The following LIPI variants were observed in gnomAD, a reference collection of about 807,000 sequenced individuals.
LIPI encodes the protein lipase member I.
LIPI carries 59 observed loss-of-function variants against 50.6 expected under a neutral mutation model. The ratio of observed to expected loss-of-function variants is 1.16; its 90% CI spans 0.94 to 1.45. LIPI has a LOEUF of 1.45. Among genes scored for constraint, LIPI ranks in the 40% most tolerant of loss-of-function variants. The probability of loss-of-function intolerance (pLI) is 0.00; values close to 1 mark genes in which losing one functional copy is unlikely to be tolerated. For missense variants in LIPI, 586 were observed against 536.3 expected (o/e 1.09, Z -0.92); for synonymous variants, 203 against 178.2 (o/e 1.14, Z -1.11).
intron 4 of LIPI, among the ~76,000 whole-genome samples, chr21:14,166,671 G>A (rs1339543343): frequency 6.6e-6 from 1 of 152,114 alleles, no homozygotes. Flanking sequence ...TTTACTATCG[G>A]TCAGTCACAG....
intron 2 of LIPI, among the ~76,000 whole-genome samples, chr21:14,188,734 T>C (rs1289311290): frequency 1.3e-5 from 2 of 152,092 alleles, no homozygotes; most frequent in Admixed American, 1.3e-4. Context: ...CTGAGGTTGG[T>C]ATAGGTAGAG....
chr21:14,210,706 C>T, intron 1 of LIPI, 94 bp downstream of exon 1: 1 of 381,094 alleles, frequency 2.6e-6, no homozygotes, highest in African/African-American at 2.2e-5. Flanking sequence ...ATTTTTATCC[C>T]ATTATATCAT....
intron 7 of LIPI, among the ~76,000 whole-genome samples, chr21:14,161,773 T>TAATGTA (rs2018495052): frequency 1.7e-5 from 1 of 58,392 alleles, no homozygotes; most frequent in African/African-American, 8.5e-5. Context: ...TTATTATATA[T>TAATGTA]TAATATATAA....
At chr21:14,157,311 C>A (rs549687526) in intron 7 of LIPI, among the ~76,000 whole-genome samples, 1 of 151,918 alleles carries the variant, frequency 6.6e-6, no homozygotes, top group Admixed American at 6.6e-5. Flanking sequence ...GCTGGCACAA[C>A]CTTTTCCCTC....
chr21:14,118,947 C>T (rs1322413952), intron 9 of LIPI, among the ~76,000 whole-genome samples: 2 of 152,162 alleles, frequency 1.3e-5, no homozygotes, highest in African/African-American at 2.4e-5. Flanking sequence ...GACTACTGGC[C>T]TATACAAGCC....
chr21:14,166,662 T>C (rs906026816), intron 4 of LIPI, among the ~76,000 whole-genome samples: 1 of 152,232 alleles, frequency 6.6e-6, no homozygotes, highest in Non-Finnish European at 1.5e-5. Flanking sequence ...AGTCAGCAGT[T>C]TACTATCGGT....
intron 1 of LIPI, among the ~76,000 whole-genome samples, chr21:14,203,231 T>C (rs989609337): frequency 6.6e-6 from 1 of 152,024 alleles, no homozygotes; most frequent in South Asian, 2.1e-4. Context: ...TTTACACTGT[T>C]GGTGGGACTG....
At chr21:14,192,266 A>T (rs2019702733) in intron 1 of LIPI, among the ~76,000 whole-genome samples, 1 of 152,170 alleles carries the variant, frequency 6.6e-6, no homozygotes, top group Non-Finnish European at 1.5e-5. Context: ...GGAGTTCGAG[A>T]TAAGCCTGGA....
intron 1 of LIPI, among the ~76,000 whole-genome samples, chr21:14,199,255 C>T (rs2019967473): frequency 6.6e-6 from 1 of 151,778 alleles, no homozygotes; most frequent in South Asian, 2.1e-4. Flanking sequence ...CAGAGCTGAA[C>T]TGACGGAGAC....
intron 7 of LIPI, among the ~76,000 whole-genome samples, chr21:14,153,898 A>G (rs2018185943): frequency 6.6e-6 from 1 of 152,224 alleles, no homozygotes; most frequent in African/African-American, 2.4e-5. Context: ...ATAAAACTCC[A>G]GAAAACATGA....
At position 14,152,649 on chromosome 21, in the gene LIPI, T is replaced by A. The variant is rs1250335071; in HGVS notation, c.1042A>T (p.Lys348Ter). The A allele has an allele frequency of 1.9e-6, 3 of 1,555,642 alleles. No individual in the cohort carries two copies. The Admixed American group carries it at 5.0e-5, about 26-fold the overall frequency. Residue 348 changes from lysine to a stop codon, truncating the protein, a stop_gained, in exon 8 of 10, where the codon AAA becomes TAA. Coordinates refer to ENST00000681601, the MANE Select transcript of LIPI (RefSeq NM_001302998.2). LOFTEE classifies it high-confidence loss of function. Reference sequence around the variant, plus strand: ...GAAAACGAGCCATCCATCATAGTTTTATCTGGAACAATTATACTGAGAACA... The same window carrying A: ...GAAAACGAGCCATCCATCATAGTTTAATCTGGAACAATTATACTGAGAACA... ...YFVLSIIVPD[K>*]TMMDGSFSFK... is the part of the protein sequence containing the mutation.
intron 3 of LIPI, among the ~76,000 whole-genome samples, chr21:14,183,232 C>T (rs77520082): frequency 0.24 from 36,488 of 150,500 alleles, 3,746 homozygotes; most frequent in Middle Eastern, 0.33. Flanking sequence ...GGAAAGGATT[C>T]CCTATTTAAT....
chr21:14,129,810 A>T (rs7279039), intron 9 of LIPI, among the ~76,000 whole-genome samples: 80,650 of 121,212 alleles, frequency 0.67, 23,365 homozygotes, highest in Admixed American at 0.71. Flanking sequence ...TTTTTTTTTT[A>T]AAAAAAAAAA....
At chr21:14,207,819 A>G (rs569244827) in intron 1 of LIPI, among the ~76,000 whole-genome samples, 1 of 152,362 alleles carries the variant, frequency 6.6e-6, no homozygotes, top group Non-Finnish European at 1.5e-5. Flanking sequence ...GGATTATTCT[A>G]ACCTAATTTA....
chr21:14,202,754 A>G, intron 1 of LIPI, among the ~76,000 whole-genome samples: 1 of 152,188 alleles, frequency 6.6e-6, no homozygotes, highest in Non-Finnish European at 1.5e-5. Context: ...AGGCCATACC[A>G]TTCAGGACAT....
intron 9 of LIPI, among the ~76,000 whole-genome samples, chr21:14,130,933 A>G (rs1157441083): frequency 6.6e-6 from 1 of 151,882 alleles, no homozygotes; most frequent in Non-Finnish European, 1.5e-5. Flanking sequence ...CACTCCCACT[A>G]CTAACTTTTT....
intron 5 of LIPI, among the ~76,000 whole-genome samples, chr21:14,165,858 G>A (rs572955588): frequency 5.3e-5 from 8 of 152,092 alleles, no homozygotes; most frequent in African/African-American, 1.7e-4. Flanking sequence ...CTTTGGTCAC[G>A]TGTTATTTGA....
intron 8 of LIPI, among the ~76,000 whole-genome samples, chr21:14,147,572 A>G (rs999312961): frequency 6.6e-6 from 1 of 152,182 alleles, no homozygotes. Flanking sequence ...TTTATATAAG[A>G]GCAGACATTT....
At position 14,109,014 on chromosome 21, in the gene LIPI, T is replaced by C. The variant is rs1360658032; in HGVS notation, c.1362A>G (p.Thr454=). 6.2e-7 allele frequency: 1 copy of C among 1,606,644 alleles called. No individual in the cohort carries two copies. The highest frequency in any genetic ancestry group is 1.7e-5 in the Admixed American group (1 of 59,970). The change falls in exon 10 of 10, where the codon ACA becomes ACG. Residue 454 remains threonine (T), a synonymous_variant. Transcript: ENST00000681601. ...DREEVFLNPN[T]CTPKNT ...CATCTTATGTGTTCTTTGGTGTACA[T>C]GTGTTTGGATTAAGAAACACTTCCT... is the stretch of plus-strand genomic sequence containing the variant.
Sources: allele counts gnomAD v4.1 joint callset (sites outside exome capture counted in the v4.1 genomes callset), GRCh38; gene constraint gnomAD v4.1.1; transcripts MANE v1.5; gene names NCBI Gene and HGNC (gene_info 2026-07-23, HGNC 2026-07-21).